The following LRRFIP1 variants were observed in gnomAD, a reference collection of about 807,000 sequenced individuals.
LRRFIP1 encodes LRR binding FLII interacting protein 1, also known as leucine-rich repeat flightless-interacting protein 1.
LRRFIP1 carries 62 observed loss-of-function variants against 104.4 expected under a neutral mutation model. The observed-to-expected ratio is 0.59, with a 90% CI of 0.48 to 0.73. The LOEUF (loss-of-function observed/expected upper bound fraction) is 0.73. LRRFIP1 is among the 30% of genes least tolerant of loss of function. LRRFIP1 has a pLI of 0.00. For synonymous variants in LRRFIP1, 300 were observed against 299.0 expected (o/e 1.00, Z -0.03); for missense variants, 796 against 824.5 (o/e 0.97, Z 0.42).
chr2:237,719,604 A>C (rs1467303197), intron 5 of LRRFIP1, 37 bp downstream of exon 5: 1 of 1,534,952 alleles, frequency 6.5e-7, no homozygotes, highest in Non-Finnish European at 9.0e-7. Context: ...GGGCAATTTG[A>C]TTGAATTCTA....
intron 1 of LRRFIP1, among the ~76,000 whole-genome samples, chr2:237,683,879 T>C (rs1416785877): frequency 3.9e-5 from 6 of 152,220 alleles, no homozygotes; most frequent in Admixed American, 2.0e-4. Flanking sequence ...GAATACATCT[T>C]GAGTACCTTA....
chr2:237,636,272 T>A (rs1446808025), intron 1 of LRRFIP1, among the ~76,000 whole-genome samples: 1 of 151,116 alleles, frequency 6.6e-6, no homozygotes, highest in Non-Finnish European at 1.5e-5. Context: ...CCTAGCCCCA[T>A]CATTTTTTCT....
At chr2:237,748,341 A>G (rs931921368) in intron 11 of LRRFIP1, 23 bp from the exon 12 acceptor site, 3 of 1,564,216 alleles carry the variant, frequency 1.9e-6, no homozygotes, top group Admixed American at 1.7e-5. Flanking sequence ...AGTATTTAAT[A>G]TTTTGTCTGT....
At chr2:237,758,605 T>A (rs2059544522) in intron 17 of LRRFIP1, 124 bp from the exon 18 acceptor site, 1 of 640,464 alleles carries the variant, frequency 1.6e-6, no homozygotes, top group South Asian at 2.0e-5. Flanking sequence ...AGGCAGAGTC[T>A]CTTTAATGTC....
At chr2:237,723,504 C>G (rs775006388) in intron 6 of LRRFIP1, 44 bp from the exon 7 acceptor site, 12 of 1,606,452 alleles carry the variant, frequency 7.5e-6, no homozygotes, top group African/African-American at 1.3e-5. Context: ...TTTGGCAACT[C>G]TCTTTGCTGT....
At position 237,772,167 on chromosome 2, in the gene LRRFIP1, C is replaced by T. The variant is rs769568033; in HGVS notation, c.1596C>T (p.Asn532=). The T allele has an allele frequency of 9.3e-6, 15 of 1,613,604 alleles. No individual in the cohort carries two copies. The highest frequency in any genetic ancestry group is 2.2e-5 in the East Asian group (1 of 44,894). The change falls in exon 21 of 24, where the codon AAC becomes AAT. Residue 532 remains asparagine (N), a synonymous_variant. Transcript: ENST00000308482. ...GATCTGAAGATGATGTCTTGGAAAA[C>T]GGGACAGACATGCATGTAATGGACC... ...NLRSEDDVLE[N]GTDMHVMDLQ...
At chr2:237,729,512 T>A (rs1170690831) in intron 8 of LRRFIP1, among the ~76,000 whole-genome samples, 2 of 152,200 alleles carry the variant, frequency 1.3e-5, no homozygotes, top group Admixed American at 6.5e-5. Flanking sequence ...GCTAGGGATA[T>A]GAGATTGTGA....
chr2:237,750,584 ACTCGGCCT>A (rs1000117347), intron 13 of LRRFIP1, among the ~76,000 whole-genome samples: 5 of 150,976 alleles, frequency 3.3e-5, no homozygotes, highest in Non-Finnish European at 5.9e-5. Flanking sequence ...TGATCCACCC[ACTCGGCCT>A]CCCAAAGTGC....
intron 1 of LRRFIP1, among the ~76,000 whole-genome samples, chr2:237,656,203 T>C (rs2086795659): frequency 6.6e-6 from 1 of 152,172 alleles, no homozygotes; most frequent in Admixed American, 6.6e-5. Context: ...AAACCAAGAT[T>C]GTCTAGGCAA....
At chr2:237,686,127 T>A (rs1166036947) in intron 1 of LRRFIP1, among the ~76,000 whole-genome samples, 3 of 152,254 alleles carry the variant, frequency 2.0e-5, no homozygotes, top group Non-Finnish European at 2.9e-5. Context: ...GTTCTGTGCA[T>A]GCTGCCTGAT....
chr2:237,707,948 G>A (rs1229780948), intron 1 of LRRFIP1, among the ~76,000 whole-genome samples: 2 of 152,214 alleles, frequency 1.3e-5, no homozygotes, highest in Non-Finnish European at 2.9e-5. Flanking sequence ...GAAGCTGAGG[G>A]TGCGTGTGTG....
At chr2:237,633,833 A>G (rs909684383) in intron 1 of LRRFIP1, among the ~76,000 whole-genome samples, 1 of 152,020 alleles carries the variant, frequency 6.6e-6, no homozygotes, top group Non-Finnish European at 1.5e-5. Flanking sequence ...GCTCCCTCCA[A>G]GACCCCATTC....
chr2:237,763,556 G>A lies in LRRFIP1; in HGVS notation c.1459+3351G>A, dbSNP rs1329103207. ...GGAAGAAGAGCAGGTAAAGTCTACT[G>A]ACAGAAAGTCAGCAGTGGAAGCCCA... On this transcript the variant is annotated intron_variant, in intron 19 of 23. Transcript: ENST00000308482. 3 of 1,613,098 alleles carry A rather than the reference G, an allele frequency of 1.9e-6. No homozygotes were observed. The Admixed American group carries it at 5.0e-5, about 27-fold the overall frequency.
At chr2:237,759,663 A>G (rs998367454) in intron 18 of LRRFIP1, among the ~76,000 whole-genome samples, 7 of 152,156 alleles carry the variant, frequency 4.6e-5, no homozygotes, top group African/African-American at 1.4e-4. Flanking sequence ...CAGAACATGT[A>G]TATATTTCTT....
At chr2:237,692,092 TGGGGCGGGGAC>T (rs1295043179) in intron 1 of LRRFIP1, 13 of 486,558 alleles carry the variant, frequency 2.7e-5, no homozygotes, top group African/African-American at 7.9e-5. Flanking sequence ...GGGCGAGTCA[TGGGGCGGGGAC>T]GGGGCGGGGC....
intron 1 of LRRFIP1, among the ~76,000 whole-genome samples, chr2:237,641,997 C>T (rs937916840): frequency 6.6e-6 from 1 of 152,188 alleles, no homozygotes; most frequent in East Asian, 1.9e-4. Flanking sequence ...ACACTTCGCA[C>T]ACCCATGAGA....
At chr2:237,715,217 G>A (rs187862424) in intron 3 of LRRFIP1, among the ~76,000 whole-genome samples, 339 of 152,264 alleles carry the variant, frequency 2.2e-3, no homozygotes, top group African/African-American at 7.3e-3. Flanking sequence ...CTGCTGTCCC[G>A]AAGAGTGCAA....
chr2:237,699,299 G>T (rs1406742193), intron 1 of LRRFIP1, among the ~76,000 whole-genome samples: 2 of 151,086 alleles, frequency 1.3e-5, no homozygotes, highest in African/African-American at 4.9e-5. Flanking sequence ...TATGTAAGTT[G>T]CAATCAGTTT....
rs1352591047 is a variant in LRRFIP1, at chr2:237,706,526, G to A, written c.97-2018G>A. 3.9e-5 allele frequency among the ~76,000 whole-genome samples: 6 copies of A among 152,298 alleles called. No individual in the cohort carries two copies. In the East Asian group the frequency reaches 9.6e-4, roughly 24 times the overall value. ...CTTACCAGGAAGGGCTGCACTTGGC[G>A]TGGCCTTGGTCACTTTGCTGGCCCA... On this transcript the variant is annotated intron_variant, in intron 1 of 23. Coordinates refer to ENST00000308482, the MANE Select transcript of LRRFIP1 (RefSeq NM_001137550.2).
Sources: gnomAD v4.1 joint callset for allele counts (sites outside exome capture counted in the v4.1 genomes callset) on GRCh38, gnomAD v4.1.1 for gene constraint, MANE v1.5 for transcripts, NCBI Gene and HGNC (gene_info 2026-07-23, HGNC 2026-07-21) for gene names.